The following LDLRAD4 variants were observed in gnomAD, a reference collection of about 807,000 sequenced individuals.
The protein encoded by LDLRAD4 is low-density lipoprotein receptor class A domain-containing protein 4.
In LDLRAD4, 5 loss-of-function variants were observed where a neutral mutation model predicts 17.0. That is an observed-to-expected ratio of 0.29 (90% CI 0.15 to 0.62). The LOEUF (loss-of-function observed/expected upper bound fraction) is 0.62. Ranked by LOEUF, LDLRAD4 falls within the 20% of genes least tolerant of loss-of-function variation. LDLRAD4 has a pLI of 0.84. For synonymous variants in LDLRAD4, 168 were observed against 171.8 expected, an observed-to-expected ratio of 0.98 and a Z score of 0.17; for missense variants, 340 against 424.7, an observed-to-expected ratio of 0.80 and a Z score of 1.75.
intron 3 of LDLRAD4, among the ~76,000 whole-genome samples, chr18:13,574,779 C>T (rs2094744667): frequency 6.6e-6 from 1 of 152,224 alleles, no homozygotes; most frequent in Non-Finnish European, 1.5e-5. Context: ...CAAAGAGCTT[C>T]CTGCTTCTTT....
intron 1 of LDLRAD4, among the ~76,000 whole-genome samples, chr18:13,279,183 G>T (rs1689840494): frequency 6.6e-6 from 1 of 152,164 alleles, no homozygotes; most frequent in Non-Finnish European, 1.5e-5. Context: ...AAGAGCTCAC[G>T]GGGAACACCC....
intron 1 of LDLRAD4, among the ~76,000 whole-genome samples, chr18:13,354,604 A>G (rs1239472820): frequency 1.3e-5 from 2 of 152,190 alleles, no homozygotes; most frequent in Admixed American, 6.5e-5. Flanking sequence ...TGACTTAGAC[A>G]CCATCCTTCT....
At position 13,597,847 on chromosome 18, in the gene LDLRAD4, C is replaced by T. The variant is rs540995735; in HGVS notation, c.182-23270C>T. Among the ~76,000 whole-genome samples, 171 of 152,220 alleles carry T rather than the reference C, an allele frequency of 1.1e-3. 2 individuals are homozygous for T. Among genetic ancestry groups the T allele is most frequent in the Non-Finnish European group, 7.9e-4 (54 of 68,020 alleles). On this transcript the variant is annotated intron_variant, in intron 3 of 5. Transcript: ENST00000359446. ...TATTTTGGTTATTGTATTTTCAATA[C>T]CAGGCATTCCATTTGGTTTTTTCAC...
intron 1 of LDLRAD4, among the ~76,000 whole-genome samples, chr18:13,291,680 C>T (rs2045971636): frequency 6.6e-6 from 1 of 152,134 alleles, no homozygotes; most frequent in Non-Finnish European, 1.5e-5. Context: ...ATGAGGGTCT[C>T]ATCAGTATAA....
At chr18:13,515,732 G>C (rs1338131923) in intron 3 of LDLRAD4, 1 of 152,156 alleles carries the variant, frequency 6.6e-6, no homozygotes, top group Non-Finnish European at 1.5e-5. Context: ...ATTATATTAC[G>C]ATCACTACTG....
Position 13,555,133 on chromosome 18 carries a change from C to G in LDLRAD4, c.182-65984C>G, listed in dbSNP as rs1019721216. On this transcript the variant is annotated intron_variant, in intron 3 of 5. Transcript: ENST00000359446. The stretch of plus-strand genomic sequence containing the variant: ...TCAAAAACAGAGTCAAAGACACTGT[C>G]ACAGCCAAGAGGAGCCTAAGGAGAC... Among the ~76,000 whole-genome samples the G allele has an allele frequency of 3.3e-5, 5 of 152,196 alleles. No homozygotes were observed. In the South Asian group the frequency reaches 1.0e-3, roughly 32 times the overall value.
At chr18:13,347,015 C>T (rs915238185) in intron 1 of LDLRAD4, among the ~76,000 whole-genome samples, 2 of 152,158 alleles carry the variant, frequency 1.3e-5, no homozygotes, top group African/African-American at 4.8e-5. Context: ...TGGGTCTTGA[C>T]TTTTTATCCA....
chr18:13,366,563 G>A (rs926013745), intron 1 of LDLRAD4, among the ~76,000 whole-genome samples: 5 of 152,158 alleles, frequency 3.3e-5, no homozygotes, highest in Admixed American at 3.3e-4. Context: ...ATCAGGGTCT[G>A]GAATGTATTG....
At chr18:13,578,994 T>C (rs1285537593) in intron 3 of LDLRAD4, among the ~76,000 whole-genome samples, 1 of 151,744 alleles carries the variant, frequency 6.6e-6, no homozygotes, top group Non-Finnish European at 1.5e-5. Flanking sequence ...ATCGAGACCA[T>C]CCTGACTAAC....
At chr18:13,417,300 T>C (rs2088991067) in intron 2 of LDLRAD4, among the ~76,000 whole-genome samples, 2 of 152,206 alleles carry the variant, frequency 1.3e-5, no homozygotes, top group South Asian at 4.1e-4. Context: ...CCATAATTCA[T>C]AAGGCTCATA....
intron 3 of LDLRAD4, among the ~76,000 whole-genome samples, chr18:13,441,807 G>A (rs540942574): frequency 1.1e-4 from 17 of 152,218 alleles, no homozygotes; most frequent in Non-Finnish European, 2.1e-4. Context: ...TTGGAGCCCA[G>A]GCTGAGGCAT....
intron 1 of LDLRAD4, among the ~76,000 whole-genome samples, chr18:13,222,603 G>A (rs563797052): frequency 6.6e-6 from 1 of 152,330 alleles, no homozygotes; most frequent in East Asian, 1.9e-4. Flanking sequence ...GGCCTGGTGT[G>A]CATGCAGCTG....
intron 3 of LDLRAD4, among the ~76,000 whole-genome samples, chr18:13,569,407 T>C (rs1161096981): frequency 6.6e-6 from 1 of 152,240 alleles, no homozygotes; most frequent in Non-Finnish European, 1.5e-5. Context: ...TAGAAATGAA[T>C]TTTGGGCACC....
chr18:13,378,564 T>C (rs1356600320), intron 1 of LDLRAD4, among the ~76,000 whole-genome samples: 3 of 152,366 alleles, frequency 2.0e-5, no homozygotes, highest in Non-Finnish European at 4.4e-5. Context: ...TTATTATTTT[T>C]CTTTCTATTG....
chr18:13,431,265 ATTTCTGTTC>A (rs750808822), intron 2 of LDLRAD4, among the ~76,000 whole-genome samples: 37 of 152,156 alleles, frequency 2.4e-4, no homozygotes, highest in Non-Finnish European at 4.0e-4. Context: ...ACTTATTGAT[ATTTCTGTTC>A]TTCCAAGAGT....
chr18:13,365,765 C>G (rs1169968601), intron 1 of LDLRAD4, among the ~76,000 whole-genome samples: 1 of 152,194 alleles, frequency 6.6e-6, no homozygotes. Context: ...CAAGGATACA[C>G]TGATTATTTG....
chr18:13,429,220 G>A (rs1042483959), intron 2 of LDLRAD4, among the ~76,000 whole-genome samples: 3 of 152,200 alleles, frequency 2.0e-5, no homozygotes. Flanking sequence ...CCACATGGGG[G>A]TCTCCAGGGA....
chr18:13,443,767 G>C (rs928012201), intron 3 of LDLRAD4, among the ~76,000 whole-genome samples: 1 of 152,030 alleles, frequency 6.6e-6, no homozygotes, highest in East Asian at 1.9e-4. Flanking sequence ...GGTCTGGCTT[G>C]CTTGTTCTGC....
Position 13,621,143 on chromosome 18 carries a change from A to T in LDLRAD4, c.208A>T (p.Ile70Phe), listed in dbSNP as rs781348267. The T allele has an allele frequency of 6.2e-7, 1 of 1,614,044 alleles. No homozygotes were observed. The highest frequency in any genetic ancestry group is 8.5e-7 in the Non-Finnish European group (1 of 1,180,048). Residue 70 changes from isoleucine (I) to phenylalanine (F), a missense_variant, in exon 4 of 6, where the codon ATC becomes TTC. Ile to Phe is a conservative substitution (Grantham distance 21, BLOSUM62 0). Coordinates refer to ENST00000359446, the Ensembl canonical transcript of LDLRAD4. The surrounding 1 kb of genome is among the most constrained non-coding windows in gnomAD (Gnocchi z 5.5). Reference sequence around the variant, plus strand: ...GGAGCTGGAGTTCGCCCAAATCATCATCATCGTCGTGGTGGTCACGGTGAT... The same window carrying T: ...GGAGCTGGAGTTCGCCCAAATCATCTTCATCGTCGTGGTGGTCACGGTGAT...
Sources: allele counts gnomAD v4.1 joint callset (sites outside exome capture counted in the v4.1 genomes callset), GRCh38; gene constraint gnomAD v4.1.1; non-coding constraint Gnocchi (gnomAD v3.1); transcripts MANE v1.5; gene names NCBI Gene and HGNC (gene_info 2026-07-23, HGNC 2026-07-21).